The following ADAMTSL3 variants were observed in gnomAD, a reference collection of about 807,000 sequenced individuals.
ADAMTSL3 encodes the protein ADAMTS-like protein 3.
ADAMTSL3 carries 128 observed loss-of-function variants against 201.7 expected under a neutral mutation model. The observed-to-expected ratio is 0.63, with a 90% confidence interval of 0.55 to 0.73. The LOEUF is 0.73. Among genes scored for constraint, ADAMTSL3 ranks in the 30% least tolerant of loss-of-function variants. The pLI, the probability that ADAMTSL3 is intolerant of heterozygous loss-of-function variation, is 0.00. For synonymous variants in ADAMTSL3, 738 were observed against 748.4 expected (o/e 0.99, Z 0.23); for missense variants, 1,990 against 2,119.6 (o/e 0.94, Z 1.20).
chr15:83,986,247 C>T (rs1162454732), intron 21 of ADAMTSL3, among the ~76,000 whole-genome samples: 1 of 152,134 alleles, frequency 6.6e-6, no homozygotes, highest in East Asian at 1.9e-4. Context: ...GAAAGAGAGG[C>T]TGACAAGGTT....
At chr15:83,814,453 G>C (rs1307543020) in intron 5 of ADAMTSL3, among the ~76,000 whole-genome samples, 3 of 152,166 alleles carry the variant, frequency 2.0e-5, no homozygotes, top group African/African-American at 7.2e-5. Flanking sequence ...TTCTGGACAA[G>C]GCTGCACACT....
intron 21 of ADAMTSL3, among the ~76,000 whole-genome samples, chr15:83,987,580 C>T (rs1034833905): frequency 1.3e-5 from 2 of 152,084 alleles, no homozygotes; most frequent in Non-Finnish European, 2.9e-5. Context: ...GAAAACTTTA[C>T]AGGGGAAATT....
chr15:83,775,192 G>A (rs1281305183), intron 4 of ADAMTSL3, among the ~76,000 whole-genome samples: 1 of 152,084 alleles, frequency 6.6e-6, no homozygotes, highest in Non-Finnish European at 1.5e-5. Flanking sequence ...CTGCTGGCCA[G>A]CCACATGGGG....
chr15:84,023,636 C>A (rs2068245683), intron 26 of ADAMTSL3, among the ~76,000 whole-genome samples: 1 of 152,212 alleles, frequency 6.6e-6, no homozygotes, highest in Non-Finnish European at 1.5e-5. Flanking sequence ...TGTTTTATGG[C>A]ATTTCTTGAT....
At chr15:83,917,512 G>A (rs2066058698) in intron 16 of ADAMTSL3, among the ~76,000 whole-genome samples, 1 of 152,146 alleles carries the variant, frequency 6.6e-6, no homozygotes, top group Non-Finnish European at 1.5e-5. Flanking sequence ...GATACATCAT[G>A]TGTGTGCACA....
chr15:83,773,488 GT>G lies in ADAMTSL3; in HGVS notation c.190-25del, dbSNP rs59307086. ...ACATTTGCCTATACTTTATTGTGTG[GT>G]TTTTTTTTTGTTTGTTTGCTTTTTA... On this transcript the variant is annotated intron_variant, in intron 3 of 29. Transcript: ENST00000286744. 646 of 1,417,982 alleles carry G rather than the reference GT, an allele frequency of 4.6e-4. 1 individual carries two copies. Among genetic ancestry groups the G allele is most frequent in the Admixed American group, 9.1e-4 (48 of 52,510 alleles). The allele number at this position is 1,417,982 out of a possible 1,614,324, so 87.8% of individuals were successfully genotyped here.
intron 8 of ADAMTSL3, among the ~76,000 whole-genome samples, 176 bp from the exon 9 acceptor site, chr15:83,870,626 G>A (rs1477757918): frequency 2.0e-5 from 3 of 152,048 alleles, no homozygotes; most frequent in African/African-American, 4.8e-5. Flanking sequence ...CTTTTGTTAC[G>A]GGCAATTAAA....
chr15:83,771,894 TCACCCAGC>T, intron 3 of ADAMTSL3, among the ~76,000 whole-genome samples: 1 of 152,042 alleles, frequency 6.6e-6, no homozygotes, highest in South Asian at 2.1e-4. Context: ...TCTCGCTCTG[TCACCCAGC>T]CTGGAGTGCA....
At chr15:83,749,195 T>C (rs2062599087) in intron 3 of ADAMTSL3, among the ~76,000 whole-genome samples, 1 of 152,198 alleles carries the variant, frequency 6.6e-6, no homozygotes, top group Non-Finnish European at 1.5e-5. Flanking sequence ...GGCTGGATGC[T>C]GTGCCTCTCT....
At chr15:83,675,761 A>G (rs2061396204) in intron 2 of ADAMTSL3, among the ~76,000 whole-genome samples, 1 of 152,008 alleles carries the variant, frequency 6.6e-6, no homozygotes, top group South Asian at 2.1e-4. Flanking sequence ...CTGTGAACTC[A>G]ATTTCCTTAA....
At chr15:83,904,510 G>A (rs2065797238) in intron 15 of ADAMTSL3, among the ~76,000 whole-genome samples, 1 of 152,122 alleles carries the variant, frequency 6.6e-6, no homozygotes, top group Non-Finnish European at 1.5e-5. Context: ...CTGCCTCTGT[G>A]GTTTACCATG....
chr15:83,981,804 G>A (rs965993926), intron 20 of ADAMTSL3, among the ~76,000 whole-genome samples: 3 of 152,098 alleles, frequency 2.0e-5, no homozygotes, highest in Non-Finnish European at 4.4e-5. Context: ...CAGATTTGGG[G>A]TACCCATGGC....
intron 23 of ADAMTSL3, among the ~76,000 whole-genome samples, chr15:84,011,169 T>A (rs1009828776): frequency 1.3e-5 from 2 of 152,212 alleles, no homozygotes; most frequent in African/African-American, 4.8e-5. Flanking sequence ...ACATAAGATA[T>A]GTAGCCAAAG....
intron 3 of ADAMTSL3, among the ~76,000 whole-genome samples, chr15:83,715,414 A>G (rs1239488967): frequency 6.6e-6 from 1 of 152,200 alleles, no homozygotes; most frequent in Non-Finnish European, 1.5e-5. Context: ...TAACATATAT[A>G]ACATACACCT....
intron 8 of ADAMTSL3, chr15:83,862,493 C>A (rs1596326776): frequency 6.6e-6 from 1 of 152,116 alleles, no homozygotes; most frequent in South Asian, 2.1e-4. Flanking sequence ...GAATTTTCAA[C>A]CTAGAATTTC....
intron 23 of ADAMTSL3, among the ~76,000 whole-genome samples, chr15:84,000,266 A>G (rs2067769075): frequency 1.3e-5 from 2 of 152,140 alleles, no homozygotes; most frequent in African/African-American, 4.8e-5. Flanking sequence ...CCTCTCTTCT[A>G]TACTGTTATC....
At chr15:83,842,756 A>G (rs2064409164) in intron 7 of ADAMTSL3, among the ~76,000 whole-genome samples, 1 of 152,314 alleles carries the variant, frequency 6.6e-6, no homozygotes, top group Middle Eastern at 3.4e-3. Flanking sequence ...GTTTGAAGAG[A>G]GGCTATACTG....
rs1298876470 is a variant in ADAMTSL3, at chr15:83,858,855, A to G, written c.802+15A>G. ...TGCCCACCTCTGTAAGTAGAATTTA[A>G]TCTTAACATTTTTTAATATCCTGAA... On this transcript the variant is annotated intron_variant, in intron 8 of 29. Transcript: ENST00000286744. 8.2e-6 allele frequency: 13 copies of G among 1,585,274 alleles called. No homozygotes were observed. The South Asian group carries it at 9.3e-5, about 11-fold the overall frequency.
At chr15:83,888,639 A>G (rs2065444381) in intron 10 of ADAMTSL3, among the ~76,000 whole-genome samples, 1 of 152,214 alleles carries the variant, frequency 6.6e-6, no homozygotes. Flanking sequence ...TCCCGTCTGT[A>G]ATCGTCGATG....
Sources: allele counts gnomAD v4.1 joint callset (sites outside exome capture counted in the v4.1 genomes callset), GRCh38; gene constraint gnomAD v4.1.1; transcripts MANE v1.5; gene names NCBI Gene and HGNC (gene_info 2026-07-23, HGNC 2026-07-21).